Variants in ECSCR observed in about 807,000 individuals in gnomAD.
ECSCR encodes endothelial cell surface expressed chemotaxis and apoptosis regulator.
Under a neutral mutation model 16.7 loss-of-function variants are expected in ECSCR, and 12 were observed. The observed-to-expected ratio is 0.72, with a 90% CI of 0.46 to 1.17. The LOEUF (loss-of-function observed/expected upper bound fraction) is 1.17. Among genes scored for constraint, ECSCR ranks in the 50% most tolerant of loss-of-function variants. The pLI, the probability that ECSCR is intolerant of heterozygous loss-of-function variation, is 0.00. For synonymous variants in ECSCR, 44 were observed against 42.2 expected (o/e 1.04, Z -0.17); for missense variants, 122 against 116.1 (o/e 1.05, Z -0.23).
At chr5:139,457,900 C>A in intron 2 of ECSCR, 93 bp from the exon 3 acceptor site, 1 of 1,370,704 alleles carries the variant, frequency 7.3e-7, no homozygotes, top group Non-Finnish European at 1.0e-6. Flanking sequence ...TTTCTCCCTA[C>A]CCCATCCCCC....
intron 1 of ECSCR, among the ~76,000 whole-genome samples, chr5:139,458,503 A>C (rs368330188): frequency 5.5e-3 from 30 of 5,432 alleles, no homozygotes; most frequent in African/African-American, 9.6e-3. Flanking sequence ...ATCTCAACAA[A>C]AAAAAAAAAA....
Position 139,448,818 on chromosome 5 carries a change from C to T in ECSCR, c.*82G>A. On this transcript the variant is annotated 3_prime_UTR_variant, in exon 10 of 10. Coordinates refer to ENST00000618155, the MANE Select transcript of ECSCR (RefSeq NM_001077693.4). ...AAAATAATTTACATGTGGTTCATTG[C>T]CTCTACTAATTCCATCTCTTCCTCC... 4.6e-6 allele frequency: 7 copies of T among 1,526,236 alleles called. No individual in the cohort carries two copies. In the South Asian group the frequency reaches 7.3e-5, roughly 16 times the overall value. 94.5% of individuals were successfully genotyped at this position (1,526,236 alleles called of 1,614,324 possible).
chr5:139,449,289 G>T, intron 8 of ECSCR, 115 bp from the exon 9 acceptor site: 1 of 736,772 alleles, frequency 1.4e-6, no homozygotes, highest in Non-Finnish European at 2.3e-6. Flanking sequence ...CTATATTTTG[G>T]TGGTGGATCA....
In ECSCR at chr5:139,448,734, G is replaced by C. The variant is rs1476883724; in HGVS notation, c.*166C>G. ...AAAGAGTCTCCCCTGTTGGTAGCTTGCTCCCAGATCTGGGGCAATGCTAGT... is the reference window on the plus strand; with the variant it reads ...AAAGAGTCTCCCCTGTTGGTAGCTTCCTCCCAGATCTGGGGCAATGCTAGT... On this transcript the variant is annotated 3_prime_UTR_variant, in exon 10 of 10. Coordinates refer to ENST00000618155, the MANE Select transcript of ECSCR (RefSeq NM_001077693.4). 3 of 1,439,096 alleles carry C rather than the reference G, an allele frequency of 2.1e-6. No individual in the cohort carries two copies. The highest frequency in any genetic ancestry group is 2.7e-6 in the Non-Finnish European group (3 of 1,102,010). The allele number at this position is 1,439,096 out of a possible 1,614,324, so 89.1% of individuals were successfully genotyped here. A position where few individuals can be genotyped will look rare whatever the true frequency, so the allele number is the denominator to read the frequency against.
intron 6 of ECSCR, 84 bp from the exon 7 acceptor site, chr5:139,455,007 A>T: frequency 2.5e-6 from 1 of 398,412 alleles, no homozygotes; most frequent in East Asian, 3.6e-5. Context: ...CTTCCCAGAT[A>T]AGTACTGTGT....
At chr5:139,454,684 C>A (rs1303677111) in intron 7 of ECSCR, 46 bp from the exon 8 acceptor site, 1 of 398,220 alleles carries the variant, frequency 2.5e-6, no homozygotes, top group Admixed American at 4.4e-5. Flanking sequence ...TGCTGTAACT[C>A]AGAAGTCCAG....
At position 139,462,661 on chromosome 5, in the gene ECSCR, C is replaced by T. The variant is rs778292214; in HGVS notation, c.10G>A (p.Ala4Thr). The change falls in exon 1 of 10, where the codon GCA (alanine) becomes ACA (threonine). Residue 4 changes from alanine (A) to threonine (T), a missense_variant. Transcript: ENST00000618155. ...ACCCAGCACAGCTGCATGGCTCCTG[C>T]GGTGCCCATGTCAGCTGGGTATGTG... is the stretch of plus-strand genomic sequence containing the variant. The part of the protein sequence containing the change: MGT[A>T]GAMQLCWVIL... 8 of 1,424,818 alleles carry T rather than the reference C, an allele frequency of 5.6e-6. No homozygotes were observed. The highest frequency in any genetic ancestry group is 4.0e-5 in the Admixed American group (2 of 50,576). The allele number at this position is 1,424,818 out of a possible 1,614,324, so 88.3% of individuals were successfully genotyped here.
At chr5:139,457,839 A>T in intron 2 of ECSCR, 32 bp from the exon 3 acceptor site, 1 of 1,582,004 alleles carries the variant, frequency 6.3e-7, no homozygotes, top group Non-Finnish European at 8.6e-7. Context: ...TGAGGGGTGC[A>T]CCGCCTCCTA....
intron 1 of ECSCR, among the ~76,000 whole-genome samples, chr5:139,460,394 C>T (rs1445008089): frequency 6.6e-6 from 1 of 152,168 alleles, no homozygotes; most frequent in Admixed American, 6.5e-5. Flanking sequence ...CCTCAGCATC[C>T]TAAATGCTGG....
In ECSCR at chr5:139,462,740, GA is replaced by G; in HGVS notation, c.-71del. 1.4e-6 allele frequency: 1 copy of G among 714,578 alleles called. No individual in the cohort carries two copies. 44.3% of individuals were successfully genotyped at this position (714,578 alleles called of 1,614,324 possible). On this transcript the variant is annotated 5_prime_UTR_variant, in exon 1 of 10. Coordinates refer to ENST00000618155, the MANE Select transcript of ECSCR (RefSeq NM_001077693.4). ...CTGTCCATAGTGGAGAAGAGAGAGG[GA>G]GTGCTGGGGCGGGATGGGGGTGGGG...
intron 5 of ECSCR, 35 bp from the exon 6 acceptor site, chr5:139,455,471 G>A: frequency 5.0e-6 from 2 of 397,704 alleles, no homozygotes; most frequent in Non-Finnish European, 8.9e-6. Context: ...ATCAGCGAAG[G>A]GGACTGACAC....
At chr5:139,456,991 G>C (rs953272217) in intron 4 of ECSCR, among the ~76,000 whole-genome samples, 3 of 152,190 alleles carry the variant, frequency 2.0e-5, no homozygotes, top group Admixed American at 6.5e-5. Flanking sequence ...GCCTGCCCTC[G>C]GCATCACGGG....
chr5:139,459,052 T>G (rs1393824793), intron 1 of ECSCR, among the ~76,000 whole-genome samples: 7 of 152,066 alleles, frequency 4.6e-5, no homozygotes, highest in Non-Finnish European at 2.9e-5. Context: ...CTCTTCAATC[T>G]GACATGGGCA....
At position 139,455,315 on chromosome 5, in the gene ECSCR, G is replaced by A. The variant is rs1215497860; in HGVS notation, c.376+8C>T. On this transcript the variant is annotated splice_region_variant and intron_variant, in intron 6 of 9. Coordinates refer to ENST00000618155, the MANE Select transcript of ECSCR (RefSeq NM_001077693.4). ...CTCCTATGTCCCACCTTCTCCTTCCGGTCTCACCAAATGCAGCCACAGTGA... is the reference window on the plus strand; with the variant it reads ...CTCCTATGTCCCACCTTCTCCTTCCAGTCTCACCAAATGCAGCCACAGTGA... 1.0e-5 allele frequency: 4 copies of A among 398,404 alleles called. No homozygotes were observed. Among genetic ancestry groups the A allele is most frequent in the Non-Finnish European group, 1.8e-5 (4 of 226,072 alleles). The allele number at this position is 398,404 out of a possible 1,614,324, so 24.7% of individuals were successfully genotyped here.
intron 3 of ECSCR, 64 bp downstream of exon 3, chr5:139,457,693 C>CA: frequency 6.3e-7 from 1 of 1,592,720 alleles, no homozygotes; most frequent in Non-Finnish European, 8.6e-7. Flanking sequence ...CCCTGGGCTC[C>CA]AAGCAGGTCT....
At chr5:139,449,019 TAGG>T in intron 9 of ECSCR, 56 bp downstream of exon 9, 2 of 1,530,260 alleles carry the variant, frequency 1.3e-6, no homozygotes, top group African/African-American at 1.4e-5. Context: ...GGCCTGAAAG[TAGG>T]AGGAGGAAGG....
chr5:139,457,384 C>A (rs1025649656), intron 4 of ECSCR, among the ~76,000 whole-genome samples, 161 bp downstream of exon 4: 43 of 152,280 alleles, frequency 2.8e-4, no homozygotes, highest in African/African-American at 9.6e-4. Context: ...TGCTGGTGCC[C>A]ACCGCAGCCC....
chr5:139,456,420 G>A (rs1751159572), intron 5 of ECSCR, 54 bp downstream of exon 5: 2 of 398,136 alleles, frequency 5.0e-6, no homozygotes, highest in East Asian at 3.6e-5. Context: ...CGAGAGAAAG[G>A]GTCACAGACA....
In ECSCR at chr5:139,455,509, G is replaced by A. The variant is rs987075738; in HGVS notation, c.263-73C>T. The A allele has an allele frequency of 5.3e-5, 21 of 394,156 alleles. No individual in the cohort carries two copies. In the East Asian group the frequency reaches 6.5e-4, roughly 12 times the overall value. The allele number at this position is 394,156 out of a possible 1,614,324, so 24.4% of individuals were successfully genotyped here. ...GGAAGCTAGAGCTAGCTTCCCTCCC[G>A]CTTCCCCCTAGGGAAGGACCAGAAT... On this transcript the variant is annotated intron_variant, in intron 5 of 9. Transcript: ENST00000618155.
Sources: gnomAD v4.1 joint callset for allele counts (sites outside exome capture counted in the v4.1 genomes callset) on GRCh38, gnomAD v4.1.1 for gene constraint, MANE v1.5 for transcripts, NCBI Gene and HGNC (gene_info 2026-07-23, HGNC 2026-07-21) for gene names.